Variants in DNAH9 observed in about 807,000 individuals in gnomAD.
DNAH9 encodes the protein DNAH9 variant protein.
In DNAH9, 345 loss-of-function variants were observed where a neutral mutation model predicts 471.6. The ratio of observed to expected loss-of-function variants is 0.73; its 90% CI spans 0.67 to 0.80. DNAH9 has a LOEUF of 0.80. DNAH9 is among the 30% of genes least tolerant of loss of function. The pLI is 0.00. For synonymous variants in DNAH9, 2,093 were observed against 2,123.6 expected (o/e 0.99, Z 0.40); for missense variants, 5,407 against 5,609.2 (o/e 0.96, Z 1.15).
intron 49 of DNAH9, among the ~76,000 whole-genome samples, chr17:11,841,279 A>G (rs1169558719): frequency 1.3e-5 from 2 of 152,256 alleles, no homozygotes; most frequent in East Asian, 1.9e-4. Context: ...TGCCCAGGAA[A>G]GAACACAGAG....
intron 60 of DNAH9, among the ~76,000 whole-genome samples, chr17:11,904,809 A>T (rs1053808223): frequency 6.6e-6 from 1 of 152,104 alleles, no homozygotes. Context: ...AGTCTCTGTT[A>T]AGACCAGGAG....
intron 62 of DNAH9, 131 bp downstream of exon 62, chr17:11,924,072 ATCT>A: frequency 7.6e-7 from 1 of 1,314,442 alleles, no homozygotes; most frequent in Admixed American, 2.4e-5. Context: ...TCATTTCTTC[ATCT>A]TCTCTCTTTC....
intron 35 of DNAH9, among the ~76,000 whole-genome samples, chr17:11,762,770 G>GTTTTGTTTTT (rs1967747335): frequency 7.7e-5 from 7 of 90,792 alleles, no homozygotes; most frequent in East Asian, 3.3e-4. Flanking sequence ...TTTTTTTTTT[G>GTTTTGTTTTT]TTTTTTTTTT....
At chr17:11,935,680 A>G (rs1974690030) in intron 65 of DNAH9, among the ~76,000 whole-genome samples, 1 of 152,064 alleles carries the variant, frequency 6.6e-6, no homozygotes, top group South Asian at 2.1e-4. Flanking sequence ...GGCCCGAAAG[A>G]TATTTTTTAG....
At chr17:11,823,214 T>A (rs976757487) in intron 48 of DNAH9, among the ~76,000 whole-genome samples, 180 bp downstream of exon 48, 1 of 152,170 alleles carries the variant, frequency 6.6e-6, no homozygotes, top group Non-Finnish European at 1.5e-5. Flanking sequence ...TTGGCTTTTT[T>A]TCTCTACATT....
Position 11,654,355 on chromosome 17 carries a change from CAAAAAAA to C in DNAH9, c.2595+1370_2595+1376del, listed in dbSNP as rs527835262. On this transcript the variant is annotated intron_variant, in intron 14 of 68. Transcript: ENST00000262442. ...TGGGCCACAGAGCGAGACTCCGTCTCAAAAAAAAAAAAAAAAAAAAAAAGTTTAAAAT... is the reference window on the plus strand; with the variant it reads ...TGGGCCACAGAGCGAGACTCCGTCTCAAAAAAAAAAAAAAAAGTTTAAAAT... Among the ~76,000 whole-genome samples the C allele has an allele frequency of 7.1e-4, 8 of 11,264 alleles. 2 individuals carry two copies. The highest frequency in any genetic ancestry group is 5.4e-3 in the East Asian group (2 of 372). The allele number at this position is 11,264 out of a possible 152,430, so 7.4% of individuals were successfully genotyped here.
intron 45 of DNAH9, among the ~76,000 whole-genome samples, chr17:11,818,437 AAAAAAG>A (rs1425969560): frequency 0.013 from 1,923 of 152,070 alleles, 50 homozygotes; most frequent in African/African-American, 0.044. Context: ...TTAAAAAAAA[AAAAAAG>A]AAGAGAAAAG....
At chr17:11,802,051 T>C (rs1313111311) in intron 43 of DNAH9, among the ~76,000 whole-genome samples, 2 of 152,196 alleles carry the variant, frequency 1.3e-5, no homozygotes, top group East Asian at 3.9e-4. Context: ...TTCTGAAGAA[T>C]AAAATGTATT....
intron 14 of DNAH9, among the ~76,000 whole-genome samples, chr17:11,661,981 ACTT>A (rs2073773931): frequency 6.6e-6 from 1 of 152,040 alleles, no homozygotes. Flanking sequence ...TTTATTTACT[ACTT>A]CTTCAAGTTC....
chr17:11,641,610 G>T (rs2073273296), intron 10 of DNAH9, among the ~76,000 whole-genome samples: 1 of 152,114 alleles, frequency 6.6e-6, no homozygotes, highest in Admixed American at 6.5e-5. Context: ...TGCTTCCCGG[G>T]GACCCCCCAG....
intron 7 of DNAH9, among the ~76,000 whole-genome samples, chr17:11,631,202 A>G (rs2073058790): frequency 6.6e-6 from 1 of 152,128 alleles, no homozygotes; most frequent in African/African-American, 2.4e-5. Flanking sequence ...TGCATGGGAG[A>G]AAAAAAGAAG....
chr17:11,873,912 A>T (rs57434975), intron 52 of DNAH9, among the ~76,000 whole-genome samples: 79,441 of 151,592 alleles, frequency 0.52, 21,140 homozygotes, highest in East Asian at 0.71. Flanking sequence ...AATTTAAAAA[A>T]ATATATATGG....
chr17:11,838,788 A>G (rs188732782), intron 49 of DNAH9, among the ~76,000 whole-genome samples: 1 of 152,206 alleles, frequency 6.6e-6, no homozygotes, highest in Non-Finnish European at 1.5e-5. Context: ...AGAGTGGTCC[A>G]TAGTACACCA....
At chr17:11,639,071 C>T (rs2073216455) in intron 9 of DNAH9, among the ~76,000 whole-genome samples, 1 of 152,256 alleles carries the variant, frequency 6.6e-6, no homozygotes, top group South Asian at 2.1e-4. Context: ...CTGATTAGGT[C>T]TGGCCCACCC....
At chr17:11,780,453 A>C (rs1968627244) in intron 38 of DNAH9, among the ~76,000 whole-genome samples, 1 of 152,170 alleles carries the variant, frequency 6.6e-6, no homozygotes, top group South Asian at 2.1e-4. Context: ...GCCTTTATGC[A>C]TTTTTGCTGC....
intron 33 of DNAH9, among the ~76,000 whole-genome samples, chr17:11,755,480 G>A (rs1967342110): frequency 6.6e-6 from 1 of 152,084 alleles, no homozygotes; most frequent in South Asian, 2.1e-4. Context: ...ATTTGTTCGT[G>A]TAATCTCTGA....
At chr17:11,847,098 G>T (rs566639942) in intron 49 of DNAH9, among the ~76,000 whole-genome samples, 1 of 152,172 alleles carries the variant, frequency 6.6e-6, no homozygotes, top group South Asian at 2.1e-4. Flanking sequence ...CCTTATAGCT[G>T]CTGGATATTA....
intron 67 of DNAH9, among the ~76,000 whole-genome samples, chr17:11,954,755 G>A (rs1331642854): frequency 1.4e-5 from 2 of 142,320 alleles, no homozygotes; most frequent in Non-Finnish European, 3.0e-5. Context: ...GGGCAACACG[G>A]CAAGACTTCG....
Position 11,769,292 on chromosome 17 carries a change from G to A in DNAH9, c.7515G>A (p.Val2505=). Reference sequence around the variant, plus strand: ...CCGAGGCATACCTGGTGAAAAACGTGCCATTCAACTACTACACCACGTCAG... The same window carrying A: ...CCGAGGCATACCTGGTGAAAAACGTACCATTCAACTACTACACCACGTCAG... ...LDPEAYLVKN[V]PFNYYTTSAM... Residue 2505 remains valine, a synonymous_variant, in exon 38 of 69, where the codon GTG becomes GTA. Coordinates refer to ENST00000262442, the MANE Select transcript of DNAH9 (RefSeq NM_001372.4). 6.2e-7 allele frequency: 1 copy of A among 1,613,928 alleles called. No individual in the cohort carries two copies. The highest frequency in any genetic ancestry group is 8.5e-7 in the Non-Finnish European group (1 of 1,179,930).
Sources: allele counts gnomAD v4.1 joint callset (sites outside exome capture counted in the v4.1 genomes callset), GRCh38; gene constraint gnomAD v4.1.1; transcripts MANE v1.5; gene names NCBI Gene and HGNC (gene_info 2026-07-23, HGNC 2026-07-21).